The following FMN2 variants were observed in gnomAD, a reference collection of about 807,000 sequenced individuals.
The protein encoded by FMN2 is formin-2.
A neutral mutation model predicts 142.3 loss-of-function variants in FMN2; 51 were observed. That is an observed-to-expected ratio of 0.36 (90% CI 0.29 to 0.45). The LOEUF is 0.45. FMN2 is among the 20% of genes least tolerant of loss of function. FMN2 has a pLI of 1.00. For synonymous variants in FMN2, 882 were observed against 869.8 expected (o/e 1.01, Z -0.25); for missense variants, 1,936 against 2,122.8 (o/e 0.91, Z 1.73).
intron 2 of FMN2, among the ~76,000 whole-genome samples, chr1:240,167,751 A>G (rs189028334): frequency 2.6e-5 from 4 of 152,336 alleles, no homozygotes; most frequent in Non-Finnish European, 1.5e-5. Context: ...CATGTGCACT[A>G]TGATTACAGC....
chr1:240,441,019 A>G (rs1219177182), intron 16 of FMN2, among the ~76,000 whole-genome samples: 2 of 133,484 alleles, frequency 1.5e-5, no homozygotes, highest in African/African-American at 5.6e-5. Flanking sequence ...TTTTTGAGAC[A>G]TAGTCTCACT....
At chr1:240,384,650 G>A (rs746812984) in intron 14 of FMN2, among the ~76,000 whole-genome samples, 3 of 151,946 alleles carry the variant, frequency 2.0e-5, no homozygotes, top group Non-Finnish European at 4.4e-5. Context: ...CTTCTCTCTC[G>A]ATAGGCAAAT....
intron 8 of FMN2, among the ~76,000 whole-genome samples, chr1:240,296,438 C>CTTTTTTTTTTTTTTTTTTTTTTTTT (rs772711130): frequency 4.3e-5 from 2 of 46,910 alleles, no homozygotes; most frequent in African/African-American, 9.9e-5. Context: ...TCTTTGAGTG[C>CTTTTTTTTTTTTTTTTTTTTTTTTT]TTTTTTTTTT....
chr1:240,160,879 A>C (rs1422849427), intron 2 of FMN2, among the ~76,000 whole-genome samples: 1 of 152,214 alleles, frequency 6.6e-6, no homozygotes, highest in African/African-American at 2.4e-5. Context: ...TAAAATTTAC[A>C]TAATTACTGA....
rs1664998297 is a variant in FMN2, at chr1:240,178,071, A to AATT, written c.1930+4_1930+5insTTA. ...CAGGCTCGAGGATGCTGAAACAGGT[A>AATT]ACCCTTTCCTTTGTCTTCAGAGATA... is the stretch of plus-strand genomic sequence containing the variant. On this transcript the variant is annotated splice_donor_region_variant and intron_variant, in intron 3 of 17. Transcript: ENST00000319653. 6.3e-7 allele frequency: 1 copy of AATT among 1,580,204 alleles called. No homozygotes were observed. Among genetic ancestry groups the AATT allele is most frequent in the South Asian group, 1.2e-5 (1 of 84,052 alleles).
intron 16 of FMN2, among the ~76,000 whole-genome samples, chr1:240,444,036 G>C (rs144791860): frequency 1.2e-4 from 18 of 152,242 alleles, no homozygotes; most frequent in Non-Finnish European, 2.4e-4. Flanking sequence ...CTGATTGAGA[G>C]GCTATGGTCT....
intron 2 of FMN2, among the ~76,000 whole-genome samples, chr1:240,176,410 G>T (rs998234177): frequency 6.6e-6 from 1 of 152,198 alleles, no homozygotes; most frequent in South Asian, 2.1e-4. Flanking sequence ...TTGTGTGAAA[G>T]GTCCATGTGA....
At chr1:240,148,097 A>T (rs1663564205) in intron 2 of FMN2, among the ~76,000 whole-genome samples, 1 of 152,166 alleles carries the variant, frequency 6.6e-6, no homozygotes, top group Non-Finnish European at 1.5e-5. Context: ...TTTTCCCTGG[A>T]TTGATCATTA....
At chr1:240,365,443 CTATA>C (rs1349589659) in intron 14 of FMN2, among the ~76,000 whole-genome samples, 3 of 151,872 alleles carry the variant, frequency 2.0e-5, no homozygotes, top group Non-Finnish European at 4.4e-5. Context: ...TTTATATTTT[CTATA>C]TAGAGATAAC....
rs371963299 is a variant in FMN2 at position 240,245,947 on chromosome 1, G to A, written c.4066-11998G>A. Among the ~76,000 whole-genome samples, 40 of 151,474 alleles carry A rather than the reference G, an allele frequency of 2.6e-4. No homozygotes were observed. In the East Asian group the frequency reaches 6.0e-3, roughly 23 times the overall value. On this transcript the variant is annotated intron_variant, in intron 6 of 17. Coordinates refer to ENST00000319653, the MANE Select transcript of FMN2 (RefSeq NM_020066.5). ...TGTAATCCAGGCACTTGGGGAGGCC[G>A]TGGCGGGCGGATCACGAGGTCAGGG...
intron 15 of FMN2, among the ~76,000 whole-genome samples, chr1:240,403,282 AGTTT>A (rs1674049484): frequency 6.6e-6 from 1 of 152,208 alleles, no homozygotes; most frequent in Non-Finnish European, 1.5e-5. Context: ...TAAAACATTT[AGTTT>A]AAGATGTTTA....
At chr1:240,376,038 C>A (rs545623738) in intron 14 of FMN2, among the ~76,000 whole-genome samples, 1 of 152,052 alleles carries the variant, frequency 6.6e-6, no homozygotes, top group African/African-American at 2.4e-5. Flanking sequence ...GTTATATCTT[C>A]TTTTTGAATT....
chr1:240,223,614 T>C (rs1217372965), intron 6 of FMN2, among the ~76,000 whole-genome samples: 1 of 152,170 alleles, frequency 6.6e-6, no homozygotes, highest in Non-Finnish European at 1.5e-5. Flanking sequence ...TGTCTAGTCC[T>C]GGGCTTTTTT....
chr1:240,347,650 G>A (rs142973969), intron 13 of FMN2, among the ~76,000 whole-genome samples: 39 of 152,232 alleles, frequency 2.6e-4, no homozygotes, highest in African/African-American at 9.4e-4. Context: ...CAGGTAGTAA[G>A]CATAGTACCC....
At chr1:240,195,530 G>T (rs1483643252) in intron 4 of FMN2, among the ~76,000 whole-genome samples, 11 of 152,152 alleles carry the variant, frequency 7.2e-5, no homozygotes, top group Non-Finnish European at 2.9e-5. Flanking sequence ...TAAATAAAGT[G>T]TCTTTCAGCA....
chr1:240,252,650 T>C (rs1046059452), intron 6 of FMN2, among the ~76,000 whole-genome samples: 5 of 151,672 alleles, frequency 3.3e-5, no homozygotes, highest in African/African-American at 4.8e-5. Flanking sequence ...GGGGTGGTTC[T>C]CTTATAAGTG....
In FMN2 at chr1:240,473,932, G is replaced by A. The variant is rs907151026; in HGVS notation, c.5143-196G>A. Among the ~76,000 whole-genome samples, 2 of 148,240 alleles carry A rather than the reference G, an allele frequency of 1.3e-5. No homozygotes were observed. Among genetic ancestry groups the A allele is most frequent in the South Asian group, 2.2e-4 (1 of 4,568 alleles). ...TTTTTTTTTCTCAAAAGTATTTGGC[G>A]ATTTGTCTTGATAAAAGTGCTCAAA... On this transcript the variant is annotated intron_variant, in intron 17 of 17. Transcript: ENST00000319653. This position sits in a 1 kb window ranked among gnomAD's most constrained non-coding sequence, Gnocchi z 4.3.
chr1:240,398,980 G>A (rs533037409), intron 15 of FMN2, among the ~76,000 whole-genome samples: 10 of 151,936 alleles, frequency 6.6e-5, no homozygotes, highest in Non-Finnish European at 1.2e-4. Context: ...CATGTTTCTC[G>A]CTGTCTCCAT....
At chr1:240,256,490 A>G (rs1262289776) in intron 6 of FMN2, among the ~76,000 whole-genome samples, 3 of 151,730 alleles carry the variant, frequency 2.0e-5, no homozygotes, top group Admixed American at 1.3e-4. Flanking sequence ...TGTTATTTCA[A>G]CACTTTGGGA....
Sources: gnomAD v4.1 joint callset for allele counts (sites outside exome capture counted in the v4.1 genomes callset) on GRCh38, gnomAD v4.1.1 for gene constraint, Gnocchi (gnomAD v3.1) non-coding constraint, MANE v1.5 for transcripts, NCBI Gene and HGNC (gene_info 2026-07-23, HGNC 2026-07-21) for gene names.